The following CLDN10 variants were observed in gnomAD, a reference collection of about 807,000 sequenced individuals.
CLDN10 encodes the protein claudin-10.
CLDN10 carries 15 observed loss-of-function variants against 22.9 expected under a neutral mutation model. The ratio of observed to expected loss-of-function variants is 0.65; its 90% CI spans 0.44 to 1.01. The LOEUF (loss-of-function observed/expected upper bound fraction) is 1.01, where lower values mean the gene tolerates loss of function less well. CLDN10 is among the 50% of genes least tolerant of loss of function. The probability of loss-of-function intolerance (pLI) is 0.00; values close to 1 mark genes in which losing one functional copy is unlikely to be tolerated. For missense variants in CLDN10, 247 were observed against 287.8 expected, an observed-to-expected ratio of 0.86 and a Z score of 1.03; for synonymous variants, 114 against 111.4, an observed-to-expected ratio of 1.02 and a Z score of -0.15.
intron 1 of CLDN10, among the ~76,000 whole-genome samples, chr13:95,471,356 A>ATGTGTGTGTGTG (rs1296875010): frequency 3.4e-5 from 4 of 116,198 alleles, no homozygotes; most frequent in African/African-American, 1.3e-4. Flanking sequence ...TTATGGATAT[A>ATGTGTGTGTGTG]TATGTGTGTG....
intron 3 of CLDN10, among the ~76,000 whole-genome samples, chr13:95,563,308 C>T (rs1393217887): frequency 6.6e-6 from 1 of 151,862 alleles, no homozygotes; most frequent in Non-Finnish European, 1.5e-5. Context: ...ATTAAGATTG[C>T]TTTTTAATTC....
intron 1 of CLDN10, among the ~76,000 whole-genome samples, chr13:95,502,120 G>C (rs2042992700): frequency 6.6e-6 from 1 of 152,120 alleles, no homozygotes; most frequent in Non-Finnish European, 1.5e-5. Flanking sequence ...TTCCGCACAT[G>C]TTAAAAGGGA....
At chr13:95,545,059 T>G (rs2043494663) in intron 1 of CLDN10, among the ~76,000 whole-genome samples, 1 of 152,052 alleles carries the variant, frequency 6.6e-6, no homozygotes, top group African/African-American at 2.4e-5. Flanking sequence ...GTTGCAGGTG[T>G]GAGCCACTGT....
intron 1 of CLDN10, among the ~76,000 whole-genome samples, chr13:95,511,701 T>G (rs1334973597): frequency 6.6e-6 from 1 of 150,868 alleles, no homozygotes; most frequent in African/African-American, 2.4e-5. Flanking sequence ...AGCAATGTGT[T>G]TGACCAACAA....
chr13:95,559,517 C>T (rs962595125), intron 1 of CLDN10, among the ~76,000 whole-genome samples: 2 of 152,174 alleles, frequency 1.3e-5, no homozygotes, highest in African/African-American at 4.8e-5. Context: ...AACAATAGTA[C>T]TTCACTAAAG....
chr13:95,468,118 G>A (rs1477090670), intron 1 of CLDN10, among the ~76,000 whole-genome samples: 4 of 152,110 alleles, frequency 2.6e-5, no homozygotes, highest in African/African-American at 7.2e-5. Context: ...GCACACCATG[G>A]CCCAGTCAAG....
chr13:95,527,558 C>A (rs1482483429), intron 1 of CLDN10, among the ~76,000 whole-genome samples: 1 of 137,998 alleles, frequency 7.2e-6, no homozygotes, highest in Non-Finnish European at 1.6e-5. Context: ...GGTGGAACCT[C>A]AAGTCTACAA....
In CLDN10 at chr13:95,537,443, C is replaced by T. The variant is rs531654866; in HGVS notation, c.215-22689C>T. On this transcript the variant is annotated intron_variant, in intron 1 of 4. Transcript: ENST00000376873. ...TCTCAGCTATTACTGTAGCTTGAGT[C>T]CCACCATAATTTGTGTACGTTTTCT... Among the ~76,000 whole-genome samples the T allele has an allele frequency of 6.4e-4, 97 of 152,204 alleles. 1 individual carries two copies. In the Middle Eastern group the frequency reaches 0.01, roughly 16 times the overall value.
intron 1 of CLDN10, among the ~76,000 whole-genome samples, chr13:95,516,237 G>C (rs922739560): frequency 6.6e-6 from 1 of 152,248 alleles, no homozygotes; most frequent in Admixed American, 6.5e-5. Flanking sequence ...TGTATCGGTT[G>C]GCCAGTAGCC....
chr13:95,570,985 G>T (rs2043850756), intron 3 of CLDN10, among the ~76,000 whole-genome samples: 2 of 150,340 alleles, frequency 1.3e-5, no homozygotes, highest in African/African-American at 4.9e-5. Flanking sequence ...TATTATGTTG[G>T]TGCAAAAGTA....
chr13:95,448,203 C>T (rs73561528), intron 1 of CLDN10, among the ~76,000 whole-genome samples: 25 of 152,294 alleles, frequency 1.6e-4, no homozygotes, highest in African/African-American at 6.0e-4. Context: ...ACACACTACA[C>T]ACACACACAG....
At chr13:95,547,925 A>G (rs1242944370), upstream of CLDN10, among the ~76,000 whole-genome samples, 1 of 152,174 alleles carries the variant, frequency 6.6e-6, no homozygotes, top group African/African-American at 2.4e-5. Context: ...AAAGACACCA[A>G]AGGAAAACTG....
chr13:95,513,584 C>T (rs1409119591), intron 1 of CLDN10, among the ~76,000 whole-genome samples: 1 of 140,164 alleles, frequency 7.1e-6, no homozygotes. Context: ...GAGCATTTTC[C>T]CCTGAAATAA....
Position 95,552,740 on chromosome 13 carries a change from C to T in CLDN10, c.-14C>T, listed in dbSNP as rs1183057923. 6.2e-7 allele frequency: 1 copy of T among 1,604,360 alleles called. No individual in the cohort carries two copies. Among genetic ancestry groups the T allele is most frequent in the Non-Finnish European group, 8.5e-7 (1 of 1,175,618 alleles). On this transcript the variant is annotated 5_prime_UTR_variant, in exon 1 of 5. Transcript: ENST00000299339. Reference sequence around the variant, plus strand: ...AGTGGGAGCCGGAGAGCGAGCGCGGCTGCAGCCGGCGGCATGGCTAGCACG... The same window carrying T: ...AGTGGGAGCCGGAGAGCGAGCGCGGTTGCAGCCGGCGGCATGGCTAGCACG...
At chr13:95,522,897 T>C (rs934943183) in intron 1 of CLDN10, among the ~76,000 whole-genome samples, 1 of 152,002 alleles carries the variant, frequency 6.6e-6, no homozygotes, top group African/African-American at 2.4e-5. Context: ...ATTCACATTA[T>C]ATATCTTTTT....
intron 1 of CLDN10, among the ~76,000 whole-genome samples, chr13:95,471,454 T>TATATATATATATATATA (rs201753710): frequency 3.0e-4 from 24 of 81,206 alleles, no homozygotes; most frequent in East Asian, 1.1e-3. Context: ...TATATATATA[T>TATATATATATATATATA]TTTTTTTTTT....
chr13:95,549,087 T>C (rs889798746), upstream of CLDN10, among the ~76,000 whole-genome samples: 1 of 152,180 alleles, frequency 6.6e-6, no homozygotes, highest in Non-Finnish European at 1.5e-5. Flanking sequence ...ACCTCAAAAG[T>C]AGAAAGGCTC....
chr13:95,579,731 T>A lies in CLDN10; in HGVS notation c.*1717T>A, dbSNP rs1428117727. 1 of 151,982 alleles carries A rather than the reference T, an allele frequency of 6.6e-6. No individual in the cohort carries two copies. Among genetic ancestry groups the A allele is most frequent in the Non-Finnish European group, 1.5e-5 (1 of 67,968 alleles). The allele number at this position is 151,982 out of a possible 1,614,324, so 9.4% of individuals were successfully genotyped here. ...GGAAATGAACAAGTTTGTTAAAAGA[T>A]AAAAAATAAAAAAAATTCCATACCT... On this transcript the variant is annotated 3_prime_UTR_variant, in exon 5 of 5. Coordinates refer to ENST00000299339, the MANE Select transcript of CLDN10 (RefSeq NM_006984.5).
intron 3 of CLDN10, among the ~76,000 whole-genome samples, chr13:95,565,873 G>A (rs920820315): frequency 1.3e-5 from 2 of 151,686 alleles, no homozygotes; most frequent in African/African-American, 4.9e-5. Context: ...AGAACATGTG[G>A]TGTTTGGTTT....
Sources: allele counts gnomAD v4.1 joint callset (sites outside exome capture counted in the v4.1 genomes callset), GRCh38; gene constraint gnomAD v4.1.1; transcripts MANE v1.5; gene names NCBI Gene and HGNC (gene_info 2026-07-23, HGNC 2026-07-21).